The following IQCM variants were observed in gnomAD, a reference collection of about 807,000 sequenced individuals.
The protein encoded by IQCM is IQ motif containing M.
IQCM carries 45 observed loss-of-function variants against 57.6 expected under a neutral mutation model. The ratio of observed to expected loss-of-function variants is 0.78; its 90% CI spans 0.62 to 1.00. The LOEUF (loss-of-function observed/expected upper bound fraction) is 1.00. Among genes scored for constraint, IQCM ranks in the 50% least tolerant of loss-of-function variants. IQCM has a pLI of 0.00. For missense variants in IQCM, 468 were observed against 511.6 expected, an observed-to-expected ratio of 0.91 and a Z score of 0.82; for synonymous variants, 148 against 158.9, an observed-to-expected ratio of 0.93 and a Z score of 0.51.
At chr4:149,444,616 G>A (rs1736306006) in intron 12 of IQCM, among the ~76,000 whole-genome samples, 1 of 151,522 alleles carries the variant, frequency 6.6e-6, no homozygotes, top group Admixed American at 6.6e-5. Context: ...GAAAATTGGA[G>A]ACCAGCTATC....
intron 13 of IQCM, among the ~76,000 whole-genome samples, chr4:149,429,505 G>A (rs1351865569): frequency 6.6e-6 from 1 of 151,762 alleles, no homozygotes; most frequent in East Asian, 1.9e-4. Context: ...GATGTACCAG[G>A]TATTTTTAGA....
At chr4:149,768,897 T>C (rs1405787186) in intron 2 of IQCM, among the ~76,000 whole-genome samples, 3 of 152,096 alleles carry the variant, frequency 2.0e-5, no homozygotes, top group South Asian at 4.1e-4. Flanking sequence ...ACCAGGACAA[T>C]TGAATTCTTT....
At chr4:149,488,485 T>C (rs1438020366) in intron 12 of IQCM, among the ~76,000 whole-genome samples, 1 of 152,176 alleles carries the variant, frequency 6.6e-6, no homozygotes, top group Non-Finnish European at 1.5e-5. Context: ...ATAAATTTCT[T>C]TGTAGGTCAG....
chr4:149,357,930 A>G (rs1729128847), intron 13 of IQCM, among the ~76,000 whole-genome samples: 1 of 152,126 alleles, frequency 6.6e-6, no homozygotes. Flanking sequence ...AGAGCCTGTT[A>G]TTGGTCTATT....
intron 12 of IQCM, among the ~76,000 whole-genome samples, chr4:149,467,958 G>A (rs1471103170): frequency 2.0e-5 from 3 of 152,140 alleles, no homozygotes; most frequent in Middle Eastern, 3.2e-3. Flanking sequence ...CACTGAAGGG[G>A]CAAATGAAAA....
chr4:149,368,829 CAT>C (rs34796694), intron 13 of IQCM, among the ~76,000 whole-genome samples: 4,519 of 68,956 alleles, frequency 0.066, 1,316 homozygotes, highest in South Asian at 0.14. Context: ...CATATATATA[CAT>C]GTATATATAT....
chr4:149,723,509 T>C (rs1580126293), intron 5 of IQCM, among the ~76,000 whole-genome samples: 1 of 152,090 alleles, frequency 6.6e-6, no homozygotes, highest in South Asian at 2.1e-4. Context: ...GACGCTGCAT[T>C]TTTTCAAATG....
intron 13 of IQCM, among the ~76,000 whole-genome samples, chr4:149,432,424 T>A (rs1182633092): frequency 6.6e-6 from 1 of 152,016 alleles, no homozygotes; most frequent in Non-Finnish European, 1.5e-5. Flanking sequence ...CAAATACCTC[T>A]GTTGGAAAGT....
intron 12 of IQCM, among the ~76,000 whole-genome samples, chr4:149,461,233 CA>C (rs61429806): frequency 0.4 from 29,193 of 72,332 alleles, 2,934 homozygotes; most frequent in East Asian, 0.5. Flanking sequence ...AACTCCATCT[CA>C]AAAAAAAAAA....
chr4:149,673,384 C>G (rs899450199), intron 7 of IQCM, among the ~76,000 whole-genome samples: 2 of 151,914 alleles, frequency 1.3e-5, no homozygotes, highest in African/African-American at 4.8e-5. Context: ...ACCCATCTCA[C>G]GTGCAGAGAC....
chr4:149,560,073 C>G (rs1749975951), intron 10 of IQCM, among the ~76,000 whole-genome samples: 1 of 152,178 alleles, frequency 6.6e-6, no homozygotes, highest in African/African-American at 2.4e-5. Context: ...CAAAACTGGT[C>G]CCTGGCACCA....
chr4:149,695,362 T>A (rs1763259279), intron 5 of IQCM, among the ~76,000 whole-genome samples: 1 of 152,180 alleles, frequency 6.6e-6, no homozygotes, highest in Non-Finnish European at 1.5e-5. Flanking sequence ...TAATTCCAAA[T>A]ACAGCGCTAT....
chr4:149,357,249 C>A (rs1017613810), intron 13 of IQCM, among the ~76,000 whole-genome samples: 7 of 152,172 alleles, frequency 4.6e-5, no homozygotes, highest in Admixed American at 2.6e-4. Context: ...CCTTCTCCTG[C>A]CTGACTGCTC....
intron 3 of IQCM, among the ~76,000 whole-genome samples, chr4:149,736,213 G>C (rs530046662): frequency 6.6e-6 from 1 of 152,166 alleles, no homozygotes; most frequent in South Asian, 2.1e-4. Context: ...CTCCCAAAGT[G>C]CTGGGATTAC....
At chr4:149,367,988 G>A (rs1172852133) in intron 13 of IQCM, among the ~76,000 whole-genome samples, 1 of 151,918 alleles carries the variant, frequency 6.6e-6, no homozygotes, top group Non-Finnish European at 1.5e-5. Context: ...ATTAGATTGT[G>A]TCCTTGTTCT....
rs573213000 is a variant in IQCM, at chr4:149,428,705, G to A, written c.1390+4691C>T. On this transcript the variant is annotated intron_variant, in intron 13 of 13. Coordinates refer to ENST00000636793, the MANE Select transcript of IQCM (RefSeq NM_001363507.2). ...AGATAGATTCTAATTTAGCAAATGT[G>A]TATCAAGTCTTGACTAAAGACAGTG... Among the ~76,000 whole-genome samples the A allele has an allele frequency of 5.6e-4, 85 of 151,872 alleles. 1 individual carries two copies. In the South Asian group the frequency reaches 0.015, roughly 27 times the overall value.
intron 8 of IQCM, among the ~76,000 whole-genome samples, chr4:149,617,061 T>C (rs1212641456): frequency 6.6e-6 from 1 of 152,006 alleles, no homozygotes; most frequent in Non-Finnish European, 1.5e-5. Context: ...GTTCAAGGTA[T>C]TCTCCTGCCT....
chr4:149,661,053 T>C (rs905592989), intron 7 of IQCM, among the ~76,000 whole-genome samples: 12 of 152,082 alleles, frequency 7.9e-5, no homozygotes, highest in Non-Finnish European at 1.6e-4. Flanking sequence ...CTTTGTCTTG[T>C]TTCCAATCTG....
At chr4:149,640,439 AC>A (rs1312678458) in intron 7 of IQCM, among the ~76,000 whole-genome samples, 1 of 152,230 alleles carries the variant, frequency 6.6e-6, no homozygotes, top group African/African-American at 2.4e-5. Context: ...CTCTACATAT[AC>A]AATCTCACCT....
Sources: allele counts gnomAD v4.1 joint callset (sites outside exome capture counted in the v4.1 genomes callset), GRCh38; gene constraint gnomAD v4.1.1; transcripts MANE v1.5; gene names NCBI Gene and HGNC (gene_info 2026-07-23, HGNC 2026-07-21).